Variants in CCDC7 observed in about 807,000 individuals in gnomAD.
CCDC7 encodes coiled-coil domain-containing protein 7.
A neutral mutation model predicts 196.9 loss-of-function variants in CCDC7; 183 were observed. The ratio of observed to expected loss-of-function variants is 0.93; its 90% CI spans 0.82 to 1.05. The LOEUF is 1.05. Ranked by LOEUF, CCDC7 falls within the 50% of genes least tolerant of loss-of-function variation. The pLI, the probability that CCDC7 is intolerant of heterozygous loss-of-function variation, is 0.00. For synonymous variants in CCDC7, 525 were observed against 484.6 expected, an observed-to-expected ratio of 1.08 and a Z score of -1.10; for missense variants, 1,540 against 1,482.2, an observed-to-expected ratio of 1.04 and a Z score of -0.64.
intron 11 of CCDC7, among the ~76,000 whole-genome samples, chr10:32,518,934 T>C (rs1261503550): frequency 6.6e-6 from 1 of 152,174 alleles, no homozygotes; most frequent in Non-Finnish European, 1.5e-5. Flanking sequence ...CTCTTTGCCA[T>C]TGTTAGAGAG....
intron 21 of CCDC7, among the ~76,000 whole-genome samples, chr10:32,671,871 C>A (rs764708529): frequency 2.0e-5 from 3 of 152,126 alleles, no homozygotes; most frequent in Non-Finnish European, 4.4e-5. Context: ...TTTCGAGGAT[C>A]CTCAGCAGCC....
chr10:32,451,863 CAAAG>C lies in CCDC7; in HGVS notation c.224_227del (p.Lys75ThrfsTer8). ...GCTTTGCCCATTCCATCGAGTAAGACAAAGAACTTACTACCAGAAGATGAAATGA... is the reference window on the plus strand; with the variant it reads ...GCTTTGCCCATTCCATCGAGTAAGACAACTTACTACCAGAAGATGAAATGA... On this transcript the variant is annotated frameshift_variant, in exon 1 of 42. Transcript: ENST00000639629. LOFTEE classifies it high-confidence loss of function. 1 of 1,613,566 alleles carries C rather than the reference CAAAG, an allele frequency of 6.2e-7. No homozygotes were observed. The highest frequency in any genetic ancestry group is 8.5e-7 in the Non-Finnish European group (1 of 1,179,870).
At chr10:32,742,473 A>G (rs993454766) in intron 28 of CCDC7, among the ~76,000 whole-genome samples, 1 of 152,176 alleles carries the variant, frequency 6.6e-6, no homozygotes, top group South Asian at 2.1e-4. Context: ...TGCCCTAAAC[A>G]TCTTTTGTGC....
intron 9 of CCDC7, among the ~76,000 whole-genome samples, chr10:32,494,799 T>G (rs2042663752): frequency 6.6e-6 from 1 of 152,242 alleles, no homozygotes; most frequent in Non-Finnish European, 1.5e-5. Flanking sequence ...GTATCATTGA[T>G]GGGCACTTGG....
chr10:32,687,498 A>T (rs745313051), intron 22 of CCDC7, among the ~76,000 whole-genome samples: 2 of 152,094 alleles, frequency 1.3e-5, no homozygotes, highest in Non-Finnish European at 2.9e-5. Context: ...GCCCAGTGGG[A>T]CCCACCCATA....
intron 30 of CCDC7, among the ~76,000 whole-genome samples, chr10:32,807,731 G>A (rs1037644888): frequency 2.6e-5 from 4 of 151,708 alleles, no homozygotes; most frequent in African/African-American, 9.7e-5. Flanking sequence ...CTGACCAGTG[G>A]CATTGCTCTA....
chr10:32,652,415 T>C (rs2068941652), intron 20 of CCDC7, among the ~76,000 whole-genome samples: 1 of 152,192 alleles, frequency 6.6e-6, no homozygotes, highest in African/African-American at 2.4e-5. Flanking sequence ...CATTCATGGT[T>C]ATTATGCATA....
At chr10:32,800,595 G>T (rs2152505) in intron 29 of CCDC7, among the ~76,000 whole-genome samples, 15,981 of 152,170 alleles carry the variant, frequency 0.11, 1,040 homozygotes, top group South Asian at 0.25. Context: ...TCCCTGAAAG[G>T]TCTGATTATT....
At chr10:32,679,034 C>A (rs1244006052) in intron 21 of CCDC7, among the ~76,000 whole-genome samples, 1 of 151,906 alleles carries the variant, frequency 6.6e-6, no homozygotes, top group Non-Finnish European at 1.5e-5. Context: ...TTTTTTGATT[C>A]ATGAATATGT....
At chr10:32,794,162 T>C (rs564198324) in intron 29 of CCDC7, among the ~76,000 whole-genome samples, 1 of 152,320 alleles carries the variant, frequency 6.6e-6, no homozygotes, top group East Asian at 1.9e-4. Context: ...TTCCCATCCT[T>C]GTGTCCACAT....
chr10:32,596,963 T>G, intron 18 of CCDC7, among the ~76,000 whole-genome samples: 1 of 152,192 alleles, frequency 6.6e-6, no homozygotes. Flanking sequence ...CATTTTTTTG[T>G]TTTTCATTTC....
intron 9 of CCDC7, among the ~76,000 whole-genome samples, chr10:32,510,293 A>C (rs1227340022): frequency 6.6e-6 from 1 of 152,232 alleles, no homozygotes; most frequent in East Asian, 1.9e-4. Flanking sequence ...AGGAGCTGAA[A>C]AGGTGTAGGC....
rs547605649 is a variant in CCDC7, at chr10:32,647,268, A to C, written c.2014+12110A>C. On this transcript the variant is annotated intron_variant, in intron 20 of 41. Transcript: ENST00000639629. The stretch of plus-strand genomic sequence containing the variant: ...ACGCCACTAATCCCAACACTTTGGG[A>C]GGCTGAGGTGGGTGGATCATTTGAG... Among the ~76,000 whole-genome samples the C allele has an allele frequency of 1.8e-3, 277 of 152,226 alleles. 1 individual carries two copies. Among genetic ancestry groups the C allele is most frequent in the Non-Finnish European group, 3.0e-3 (202 of 67,998 alleles).
At chr10:32,664,151 T>C (rs2072123363) in exon 21 of CCDC7, 1 of 395,976 alleles carries the variant, frequency 2.5e-6, no homozygotes, top group African/African-American at 2.1e-5. Context: ...TCCAAGATAA[T>C]CAACTCAGTA....
chr10:32,612,809 C>T (rs2062321733), intron 18 of CCDC7, among the ~76,000 whole-genome samples: 1 of 151,766 alleles, frequency 6.6e-6, no homozygotes, highest in African/African-American at 2.4e-5. Flanking sequence ...CTGCTGGATT[C>T]AGTTTGCCAG....
At chr10:32,861,115 CAAAAAAAAAAAA>C (rs142801821) in intron 41 of CCDC7, among the ~76,000 whole-genome samples, 2 of 97,130 alleles carry the variant, frequency 2.1e-5, no homozygotes, top group African/African-American at 4.0e-5. Flanking sequence ...CAATCATAAG[CAAAAAAAAAAAA>C]AAAAAAAGAA....
chr10:32,684,797 GTGATGTGTGTACCGTCTCTTCT>G (rs2076271395), intron 21 of CCDC7, among the ~76,000 whole-genome samples: 1 of 152,134 alleles, frequency 6.6e-6, no homozygotes, highest in Non-Finnish European at 1.5e-5. Context: ...AAAATATTTT[GTGATGTGTGTACCGTCTCTTCT>G]CCACACACTT....
intron 13 of CCDC7, among the ~76,000 whole-genome samples, chr10:32,550,252 C>T (rs2053242561): frequency 6.6e-6 from 1 of 151,396 alleles, no homozygotes; most frequent in Admixed American, 6.6e-5. Context: ...GATTTGTGTA[C>T]ATTAATCTTG....
intron 11 of CCDC7, among the ~76,000 whole-genome samples, chr10:32,536,692 G>A (rs754332718): frequency 8.7e-4 from 132 of 152,222 alleles, no homozygotes; most frequent in Admixed American, 1.6e-3. Flanking sequence ...AGGCCCCAAT[G>A]TCTGATGTTC....
Sources: gnomAD v4.1 joint callset for allele counts (sites outside exome capture counted in the v4.1 genomes callset) on GRCh38, gnomAD v4.1.1 for gene constraint, MANE v1.5 for transcripts, NCBI Gene and HGNC (gene_info 2026-07-23, HGNC 2026-07-21) for gene names.